RNF220: variants seen among roughly 807,000 people sequenced by gnomAD.
RNF220 encodes the protein E3 ubiquitin-protein ligase RNF220.
A neutral mutation model predicts 67.1 loss-of-function variants in RNF220; 7 were observed. The observed-to-expected ratio is 0.10, with a 90% confidence interval of 0.06 to 0.20. The LOEUF is 0.20. RNF220 is among the 10% of genes least tolerant of loss of function. The pLI is 1.00. For synonymous variants in RNF220, 270 were observed against 283.2 expected (o/e 0.95, Z 0.47); for missense variants, 565 against 740.3 (o/e 0.76, Z 2.75).
At position 44,502,134 on chromosome 1, in the gene RNF220, GTCTCTC is replaced by G. The variant is rs5773837; in HGVS notation, c.625+89431_625+89436del. ...GCTCCTGGCTGCAGTATGATCCTTTGTCTCTCTCTCTCTCTCTCTCTCTCACACACA... is the reference window on the plus strand; with the variant it reads ...GCTCCTGGCTGCAGTATGATCCTTTGTCTCTCTCTCTCTCTCTCACACACA... On this transcript the variant is annotated intron_variant, in intron 2 of 14. Coordinates refer to ENST00000361799, the MANE Select transcript of RNF220 (RefSeq NM_018150.4). 3.8e-4 allele frequency among the ~76,000 whole-genome samples: 43 copies of G among 111,764 alleles called. 1 individual carries two copies. The highest frequency in any genetic ancestry group is 8.8e-4 in the South Asian group (3 of 3,408). The allele number at this position is 111,764 out of a possible 152,430, so 73.3% of individuals were successfully genotyped here.
At chr1:44,556,855 G>A (rs1663135057) in intron 2 of RNF220, among the ~76,000 whole-genome samples, 1 of 151,958 alleles carries the variant, frequency 6.6e-6, no homozygotes, top group African/African-American at 2.4e-5. Flanking sequence ...CACCGCGCCC[G>A]GCCTCTTCCT....
intron 2 of RNF220, among the ~76,000 whole-genome samples, chr1:44,501,949 A>G (rs946063847): frequency 3.3e-5 from 5 of 152,066 alleles, no homozygotes; most frequent in South Asian, 2.1e-4. Flanking sequence ...GGAGAAAAAG[A>G]AGGAGGAGGA....
chr1:44,572,484 C>G (rs1214456367), intron 2 of RNF220, among the ~76,000 whole-genome samples: 3 of 152,246 alleles, frequency 2.0e-5, no homozygotes, highest in African/African-American at 7.2e-5. Flanking sequence ...TGACTCTTCA[C>G]TAAATGAAAA....
intron 2 of RNF220, among the ~76,000 whole-genome samples, chr1:44,507,381 C>T (rs957972200): frequency 2.0e-5 from 3 of 151,994 alleles, no homozygotes; most frequent in Non-Finnish European, 4.4e-5. Flanking sequence ...TCTCCAGAGC[C>T]TAGTAACTCA....
At chr1:44,623,445 TG>T (rs1175557097) in intron 4 of RNF220, among the ~76,000 whole-genome samples, 1 of 152,194 alleles carries the variant, frequency 6.6e-6, no homozygotes, top group African/African-American at 2.4e-5. Context: ...TCCTCAAAGA[TG>T]GCCATGGACA....
chr1:44,543,488 C>G (rs1661848538), intron 2 of RNF220, among the ~76,000 whole-genome samples: 1 of 151,954 alleles, frequency 6.6e-6, no homozygotes, highest in Non-Finnish European at 1.5e-5. Flanking sequence ...CATGACATGA[C>G]AAATTGGGCA....
chr1:44,532,169 A>G (rs555427966), intron 2 of RNF220, among the ~76,000 whole-genome samples: 1 of 152,338 alleles, frequency 6.6e-6, no homozygotes, highest in African/African-American at 2.4e-5. Flanking sequence ...GAGCTCACAA[A>G]GAATGGTGCC....
chr1:44,451,044 G>A (rs1050073605), intron 2 of RNF220, among the ~76,000 whole-genome samples: 21 of 152,172 alleles, frequency 1.4e-4, no homozygotes, highest in Non-Finnish European at 2.2e-4. Flanking sequence ...TTAGCGGGGC[G>A]TGGTGGCGGG....
At chr1:44,635,619 G>A (rs764402198) in intron 7 of RNF220, 31 bp downstream of exon 7, 2 of 1,614,200 alleles carry the variant, frequency 1.2e-6, no homozygotes, top group South Asian at 2.2e-5. Context: ...CCCCCTGGCA[G>A]GATCGGAGCA....
At chr1:44,514,511 A>G (rs1163988540) in intron 2 of RNF220, among the ~76,000 whole-genome samples, 1 of 152,124 alleles carries the variant, frequency 6.6e-6, no homozygotes, top group African/African-American at 2.4e-5. Context: ...GCTTCACTAG[A>G]AGCTCTACAG....
intron 3 of RNF220, among the ~76,000 whole-genome samples, 158 bp downstream of exon 3, chr1:44,614,455 T>C (rs1282499762): frequency 6.6e-6 from 1 of 152,202 alleles, no homozygotes; most frequent in East Asian, 1.9e-4. Flanking sequence ...CCTCAGATCT[T>C]TCCGCTGAAT....
At chr1:44,408,635 C>A (rs2147794414) in intron 1 of RNF220, 1 of 152,186 alleles carries the variant, frequency 6.6e-6, no homozygotes, top group East Asian at 1.9e-4. Flanking sequence ...GGAAAAATAT[C>A]GTTTAATTTG....
At chr1:44,441,600 A>G (rs946958) in intron 2 of RNF220, among the ~76,000 whole-genome samples, 110,476 of 152,118 alleles carry the variant, frequency 0.73, 40,241 homozygotes, top group East Asian at 0.81. Context: ...GGAGGGAGAT[A>G]CTAGTGGCCT....
At chr1:44,540,801 C>T (rs1322871352) in intron 2 of RNF220, among the ~76,000 whole-genome samples, 1 of 152,068 alleles carries the variant, frequency 6.6e-6, no homozygotes, top group East Asian at 1.9e-4. Flanking sequence ...TGTCTCTGTC[C>T]AGAACCGAGG....
chr1:44,633,194 T>G lies in RNF220; in HGVS notation c.949+809T>G, dbSNP rs368844567. 1.7e-4 allele frequency among the ~76,000 whole-genome samples: 26 copies of G among 152,278 alleles called. 1 individual carries two copies. In the South Asian group the frequency reaches 5.2e-3, roughly 30 times the overall value. ...GCCCTAGTCTGGAAAAGGGAGAAAT[T>G]CATGATGGGCTGGCGCCATGTTAAG... is the stretch of plus-strand genomic sequence containing the variant. On this transcript the variant is annotated intron_variant, in intron 6 of 14. Coordinates refer to ENST00000361799, the MANE Select transcript of RNF220 (RefSeq NM_018150.4).
chr1:44,529,235 A>G (rs895141091), intron 2 of RNF220, among the ~76,000 whole-genome samples: 9 of 152,194 alleles, frequency 5.9e-5, no homozygotes, highest in African/African-American at 2.2e-4. Flanking sequence ...TTATAGTATA[A>G]TCATATGATA....
intron 2 of RNF220, among the ~76,000 whole-genome samples, chr1:44,607,925 C>CTT (rs56995665): frequency 7.1e-6 from 1 of 141,826 alleles, no homozygotes. Context: ...GTTCTGTGTA[C>CTT]TTTTTTTTTT....
intron 2 of RNF220, among the ~76,000 whole-genome samples, chr1:44,593,029 G>T (rs1666227746): frequency 6.6e-6 from 1 of 152,168 alleles, no homozygotes; most frequent in Non-Finnish European, 1.5e-5. Flanking sequence ...AGCTGCCATG[G>T]TGTCTCTACA....
intron 2 of RNF220, among the ~76,000 whole-genome samples, chr1:44,497,742 C>A (rs1657468192): frequency 6.6e-6 from 1 of 152,182 alleles, no homozygotes; most frequent in African/African-American, 2.4e-5. Flanking sequence ...TCAACAATTC[C>A]CCTCATCCCT....
Sources: gnomAD v4.1 joint callset for allele counts (sites outside exome capture counted in the v4.1 genomes callset) on GRCh38, gnomAD v4.1.1 for gene constraint, MANE v1.5 for transcripts, NCBI Gene and HGNC (gene_info 2026-07-23, HGNC 2026-07-21) for gene names.